Variants in MAST4 observed in about 807,000 individuals in gnomAD.
MAST4 encodes the protein microtubule associated serine/threonine kinase family member 4, also known as microtubule-associated serine/threonine-protein kinase 4.
Under a neutral mutation model 162.7 loss-of-function variants are expected in MAST4, and 89 were observed. That is an observed-to-expected ratio of 0.55 (90% CI 0.46 to 0.65). The LOEUF (loss-of-function observed/expected upper bound fraction) is 0.65, where lower values mean the gene tolerates loss of function less well. Ranked by LOEUF, MAST4 falls within the 30% of genes least tolerant of loss-of-function variation. MAST4 has a pLI of 0.00. For synonymous variants in MAST4, 1,479 were observed against 1,361.1 expected, an observed-to-expected ratio of 1.09 and a Z score of -1.91; for missense variants, 3,153 against 3,374.0, an observed-to-expected ratio of 0.93 and a Z score of 1.62.
intron 4 of MAST4, chr5:66,963,584 A>C (rs1746285612): frequency 3.0e-6 from 2 of 677,242 alleles, no homozygotes; most frequent in African/African-American, 1.8e-5. Flanking sequence ...ATGATTACCT[A>C]GTGGTGTAGA....
chr5:66,750,917 C>T (rs1481938148), intron 1 of MAST4, among the ~76,000 whole-genome samples: 1 of 152,206 alleles, frequency 6.6e-6, no homozygotes, highest in Non-Finnish European at 1.5e-5. Flanking sequence ...TTGAAGAGAG[C>T]AGTGGTTCTC....
intron 2 of MAST4, among the ~76,000 whole-genome samples, chr5:66,760,527 C>T (rs1580387086): frequency 6.6e-6 from 1 of 152,198 alleles, no homozygotes; most frequent in Admixed American, 6.5e-5. Context: ...CTAGTCAAAC[C>T]CACCCTCTAC....
chr5:66,707,403 G>T (rs1021125496), intron 1 of MAST4, among the ~76,000 whole-genome samples: 6 of 152,112 alleles, frequency 3.9e-5, no homozygotes, highest in Non-Finnish European at 8.8e-5. Flanking sequence ...ATACCAGTTT[G>T]CTAAGTCTGC....
chr5:66,730,334 C>T (rs761054049), intron 1 of MAST4, among the ~76,000 whole-genome samples: 7 of 152,182 alleles, frequency 4.6e-5, no homozygotes, highest in Non-Finnish European at 8.8e-5. Context: ...ATGTCAACTA[C>T]TGATGAAGAT....
chr5:66,597,675 C>G (rs1742286675), intron 1 of MAST4, among the ~76,000 whole-genome samples: 1 of 152,110 alleles, frequency 6.6e-6, no homozygotes, highest in Admixed American at 6.5e-5. Flanking sequence ...GTCACCAAAC[C>G]GAGTACAGAT....
At chr5:66,708,987 T>C (rs987622602) in intron 1 of MAST4, among the ~76,000 whole-genome samples, 7 of 152,180 alleles carry the variant, frequency 4.6e-5, no homozygotes, top group Non-Finnish European at 1.0e-4. Flanking sequence ...ATATACTTTC[T>C]TTACTAGGAG....
intron 4 of MAST4, among the ~76,000 whole-genome samples, chr5:67,042,351 C>A (rs1388903397): frequency 6.6e-6 from 1 of 152,178 alleles, no homozygotes; most frequent in Non-Finnish European, 1.5e-5. Flanking sequence ...TAAAGACCAG[C>A]GTCTTCTGGT....
intron 3 of MAST4, among the ~76,000 whole-genome samples, chr5:66,866,228 C>T (rs898321765): frequency 4.3e-5 from 6 of 141,144 alleles, no homozygotes; most frequent in Admixed American, 1.4e-4. Context: ...ATGGGGAGAT[C>T]CCATTTTGGT....
intron 19 of MAST4, 54 bp downstream of exon 19, chr5:67,136,718 G>A: frequency 7.3e-7 from 1 of 1,365,242 alleles, no homozygotes; most frequent in Non-Finnish European, 1.0e-6. Flanking sequence ...ATGTCTACAT[G>A]GAGCACTCTG....
intron 3 of MAST4, among the ~76,000 whole-genome samples, chr5:66,893,059 A>C (rs1762457957): frequency 6.6e-6 from 1 of 152,248 alleles, no homozygotes; most frequent in South Asian, 2.1e-4. Context: ...CCAACTTGGA[A>C]AGAAAGGAAT....
chr5:66,839,022 A>G (rs1212690221), intron 3 of MAST4, among the ~76,000 whole-genome samples: 1 of 152,148 alleles, frequency 6.6e-6, no homozygotes, highest in African/African-American at 2.4e-5. Flanking sequence ...CTAGGAATTT[A>G]GAAATGAGGA....
chr5:66,967,624 G>C (rs1746900638), intron 4 of MAST4, among the ~76,000 whole-genome samples: 1 of 150,570 alleles, frequency 6.6e-6, no homozygotes, highest in South Asian at 2.1e-4. Context: ...CCTGTACTGA[G>C]CAGAGGATTA....
intron 3 of MAST4, among the ~76,000 whole-genome samples, chr5:66,834,548 A>G (rs750798899): frequency 6.6e-6 from 1 of 152,158 alleles, no homozygotes; most frequent in Non-Finnish European, 1.5e-5. Flanking sequence ...GGGCAAATGA[A>G]GTACACCTAA....
In MAST4 at chr5:67,167,074, C is replaced by A. The variant is rs1335762266; in HGVS notation, c.*23C>A. ...TAACGGGGAGGGCCCAGGGGCAGGACTGTGGAGACCCGTCCTGAACGGGCG... is the reference window on the plus strand; with the variant it reads ...TAACGGGGAGGGCCCAGGGGCAGGAATGTGGAGACCCGTCCTGAACGGGCG... On this transcript the variant is annotated 3_prime_UTR_variant, in exon 29 of 29. Coordinates refer to ENST00000403625, the MANE Select transcript of MAST4 (RefSeq NM_001164664.2). 1.9e-6 allele frequency: 3 copies of A among 1,539,234 alleles called. No homozygotes were observed.
intron 4 of MAST4, among the ~76,000 whole-genome samples, chr5:66,906,901 G>C (rs1763388805): frequency 6.6e-6 from 1 of 152,166 alleles, no homozygotes; most frequent in Non-Finnish European, 1.5e-5. Context: ...CCAACAGAGG[G>C]AGAAAATATT....
intron 4 of MAST4, among the ~76,000 whole-genome samples, chr5:66,981,514 C>T (rs1264823475): frequency 6.6e-6 from 1 of 152,174 alleles, no homozygotes; most frequent in East Asian, 1.9e-4. Flanking sequence ...GGGATGGCAG[C>T]ACCTGCGCCA....
intron 1 of MAST4, among the ~76,000 whole-genome samples, chr5:66,658,680 G>A (rs1580124681): frequency 6.6e-6 from 1 of 152,146 alleles, no homozygotes; most frequent in East Asian, 1.9e-4. Context: ...AGTGACGTTT[G>A]CATGCCCCCT....
intron 4 of MAST4, among the ~76,000 whole-genome samples, chr5:67,052,427 G>C (rs2545401): frequency 0.41 from 62,522 of 151,644 alleles, 13,233 homozygotes; most frequent in African/African-American, 0.48. Flanking sequence ...ATAACTAATG[G>C]AATTGTGAGG....
chr5:66,807,458 T>TGCAGTCC (rs1344759789), intron 3 of MAST4, among the ~76,000 whole-genome samples: 2 of 150,470 alleles, frequency 1.3e-5, no homozygotes, highest in Non-Finnish European at 2.9e-5. Context: ...ATTGCGCCAC[T>TGCAGTCC]GCAGTCCGCA....
Sources: gnomAD v4.1 joint callset for allele counts (sites outside exome capture counted in the v4.1 genomes callset) on GRCh38, gnomAD v4.1.1 for gene constraint, MANE v1.5 for transcripts, NCBI Gene and HGNC (gene_info 2026-07-23, HGNC 2026-07-21) for gene names.